The following FLT3 variants were observed in gnomAD, a reference collection of about 807,000 sequenced individuals.
FLT3 encodes the protein receptor-type tyrosine-protein kinase FLT3.
Under a neutral mutation model 126.6 loss-of-function variants are expected in FLT3, and 46 were observed. That is an observed-to-expected ratio of 0.36 (90% CI 0.29 to 0.46). The LOEUF is 0.46. Ranked by LOEUF, FLT3 falls within the 20% of genes least tolerant of loss-of-function variation. FLT3 has a pLI of 1.00. For synonymous variants in FLT3, 404 were observed against 434.4 expected (o/e 0.93, Z 0.87); for missense variants, 1,069 against 1,190.3 (o/e 0.90, Z 1.50).
chr13:28,018,635 T>C (rs2137624834), intron 19 of FLT3, 46 bp from the exon 20 acceptor site: 1 of 1,599,758 alleles, frequency 6.3e-7, no homozygotes, highest in Non-Finnish European at 8.5e-7. Context: ...ATGTGTATTA[T>C]CCTGGAGTGC....
intron 1 of FLT3, among the ~76,000 whole-genome samples, chr13:28,094,278 C>T (rs140855900): frequency 6.6e-6 from 1 of 152,138 alleles, no homozygotes; most frequent in East Asian, 1.9e-4. Flanking sequence ...AATTCAGTGA[C>T]TATCTTATAC....
chr13:28,082,650 G>A (rs954703746), intron 1 of FLT3, among the ~76,000 whole-genome samples: 6 of 150,940 alleles, frequency 4.0e-5, no homozygotes, highest in African/African-American at 1.2e-4. Context: ...CTACAGTCAG[G>A]AGCCACGACG....
intron 4 of FLT3, among the ~76,000 whole-genome samples, chr13:28,056,590 C>A (rs934531529): frequency 6.6e-6 from 1 of 152,168 alleles, no homozygotes; most frequent in African/African-American, 2.4e-5. Flanking sequence ...CAAGGAGAAG[C>A]CAGAAAGCAC....
intron 23 of FLT3, among the ~76,000 whole-genome samples, chr13:28,005,587 T>C (rs547754686): frequency 6.6e-6 from 1 of 152,294 alleles, no homozygotes; most frequent in South Asian, 2.1e-4. Flanking sequence ...TAATTAACCT[T>C]TTGACCAACT....
chr13:28,016,866 T>C (rs2137617082), intron 20 of FLT3, among the ~76,000 whole-genome samples: 1 of 152,316 alleles, frequency 6.6e-6, no homozygotes, highest in East Asian at 1.9e-4. Flanking sequence ...TATTTGTTTC[T>C]AGTGGGAATA....
intron 12 of FLT3, among the ~76,000 whole-genome samples, chr13:28,034,944 C>CAAAAA (rs34049926): frequency 6.0e-5 from 9 of 149,256 alleles, no homozygotes; most frequent in African/African-American, 1.7e-4. Context: ...GTCTCCATCT[C>CAAAAA]AAAAAAAAAA....
intron 1 of FLT3, among the ~76,000 whole-genome samples, chr13:28,085,649 T>G (rs1176850089): frequency 6.8e-6 from 1 of 147,698 alleles, no homozygotes; most frequent in Non-Finnish European, 1.5e-5. Flanking sequence ...TATGTCCTTT[T>G]GATGAATCAA....
At position 28,048,252 on chromosome 13, in the gene FLT3, C is replaced by T. The variant is rs966052189; in HGVS notation, c.1205+23G>A. On this transcript the variant is annotated intron_variant, in intron 9 of 23. Transcript: ENST00000241453. The stretch of plus-strand genomic sequence containing the variant: ...AGGAGAATTATGCTAAAAATGGTAT[C>T]TTAGAGTCCTTTGTGGTCTCACCTG... The T allele has an allele frequency of 2.5e-6, 4 of 1,593,860 alleles. No homozygotes were observed. In the African/African-American group the frequency reaches 4.0e-5, roughly 16 times the overall value.
At chr13:28,048,230 A>C in intron 9 of FLT3, 45 bp downstream of exon 9, 1 of 1,490,134 alleles carries the variant, frequency 6.7e-7, no homozygotes, top group South Asian at 1.2e-5. Flanking sequence ...ACAAGCAAGG[A>C]GAATTATGCT....
At chr13:28,080,245 G>T (rs534175853) in intron 1 of FLT3, among the ~76,000 whole-genome samples, 1 of 152,154 alleles carries the variant, frequency 6.6e-6, no homozygotes, top group Non-Finnish European at 1.5e-5. Flanking sequence ...GCGCCATGGC[G>T]CATTCCTGTA....
At chr13:28,075,995 C>T (rs1400137444) in intron 1 of FLT3, among the ~76,000 whole-genome samples, 1 of 152,004 alleles carries the variant, frequency 6.6e-6, no homozygotes, top group East Asian at 2.0e-4. Context: ...TGAGGGTCCC[C>T]CATGTTGGCC....
At chr13:28,092,494 G>A (rs915645828) in intron 1 of FLT3, among the ~76,000 whole-genome samples, 1 of 152,058 alleles carries the variant, frequency 6.6e-6, no homozygotes, top group African/African-American at 2.4e-5. Flanking sequence ...AGCCTCCAGA[G>A]TGGCTGGGCT....
At position 28,004,141 on chromosome 13, in the gene FLT3, A is replaced by T; in HGVS notation, c.2893T>A (p.Cys965Ser). Residue 965 changes from cysteine (C) to serine (S), a missense_variant, in exon 24 of 24, where the codon TGT becomes AGT. Physicochemically the swap from Cys to Ser is moderately radical, Grantham distance 112 (BLOSUM62 -1). Transcript: ENST00000241453. Reference protein sequence around the residue: ...YQNVDGRVSECPHTYQNRRPF... With the variant: ...YQNVDGRVSESPHTYQNRRPF... ...CGCCTGTTTTGGTAGGTGTGAGGACATTCCGAAACACGGCCATCCACATTC... is the reference window on the plus strand; with the variant it reads ...CGCCTGTTTTGGTAGGTGTGAGGACTTTCCGAAACACGGCCATCCACATTC... 1 of 1,614,108 alleles carries T rather than the reference A, an allele frequency of 6.2e-7. No homozygotes were observed. The highest frequency in any genetic ancestry group is 1.3e-5 in the African/African-American group (1 of 75,054).
chr13:28,014,506 G>T lies in FLT3; in HGVS notation c.2805C>A (p.Ser935=). 1 of 1,614,078 alleles carries T rather than the reference G, an allele frequency of 6.2e-7. No individual in the cohort carries two copies. Among genetic ancestry groups the T allele is most frequent in the Non-Finnish European group, 8.5e-7 (1 of 1,179,944 alleles). Residue 935 remains serine, a synonymous_variant, in exon 23 of 24, where the codon TCC becomes TCA. Transcript: ENST00000241453. ...CWAFDSRKRP[S]FPNLTSFLGC... is the part of the protein sequence containing the mutation. ...CTAAAAACGAAGTCAAATTAGGGAA[G>T]GATGGCCGTTTCCTTGAGTCAAAAG...
In FLT3 at chr13:28,015,582, C is replaced by T. The variant is rs1305201304; in HGVS notation, c.2653+8G>A. On this transcript the variant is annotated splice_region_variant and intron_variant, in intron 21 of 23. Transcript: ENST00000241453. The stretch of plus-strand genomic sequence containing the variant: ...GAGCCAAGGGAGGCCAGCAGCTGCC[C>T]AACTTACCAAGTGAGAAGATTTCCC... The T allele has an allele frequency of 1.9e-6, 3 of 1,574,494 alleles. No individual in the cohort carries two copies. The highest frequency in any genetic ancestry group is 1.7e-6 in the Non-Finnish European group (2 of 1,145,816).
At chr13:28,089,112 G>A (rs912282045) in intron 1 of FLT3, among the ~76,000 whole-genome samples, 1 of 152,134 alleles carries the variant, frequency 6.6e-6, no homozygotes, top group Non-Finnish European at 1.5e-5. Flanking sequence ...AACATCATTA[G>A]TCATTAGGGA....
At chr13:28,019,778 C>A (rs931038392) in intron 19 of FLT3, among the ~76,000 whole-genome samples, 1 of 152,152 alleles carries the variant, frequency 6.6e-6, no homozygotes, top group African/African-American at 2.4e-5. Flanking sequence ...CAGCCCCTCC[C>A]GCTTCTGGTC....
At chr13:28,085,288 G>A (rs1393938565) in intron 1 of FLT3, among the ~76,000 whole-genome samples, 3 of 145,462 alleles carry the variant, frequency 2.1e-5, no homozygotes, top group Admixed American at 1.4e-4. Context: ...AGGTTGTAGT[G>A]AGCCAAGATT....
At chr13:28,005,180 C>T (rs1265620998) in intron 23 of FLT3, among the ~76,000 whole-genome samples, 4 of 152,098 alleles carry the variant, frequency 2.6e-5, no homozygotes, top group African/African-American at 9.7e-5. Context: ...AAATACAAAA[C>T]TAGCCGGGCA....
Sources: allele counts gnomAD v4.1 joint callset (sites outside exome capture counted in the v4.1 genomes callset), GRCh38; gene constraint gnomAD v4.1.1; transcripts MANE v1.5; gene names NCBI Gene and HGNC (gene_info 2026-07-23, HGNC 2026-07-21).